Variants in RHCG observed in about 807,000 individuals in gnomAD.
The protein encoded by RHCG is ammonium transporter Rh type C.
RHCG carries 39 observed loss-of-function variants against 55.3 expected under a neutral mutation model. The observed-to-expected ratio is 0.70, with a 90% confidence interval of 0.55 to 0.92. RHCG has a LOEUF of 0.92. Ranked by LOEUF, RHCG falls within the 40% of genes least tolerant of loss-of-function variation. The pLI, the probability that RHCG is intolerant of heterozygous loss-of-function variation, is 0.00. For synonymous variants in RHCG, 250 were observed against 246.8 expected, an observed-to-expected ratio of 1.01 and a Z score of -0.12; for missense variants, 635 against 627.9, an observed-to-expected ratio of 1.01 and a Z score of -0.12.
chr15:89,486,603 T>TGAGA (rs1273531719), intron 2 of RHCG, 196 bp downstream of exon 2: 26 of 398,348 alleles, frequency 6.5e-5, no homozygotes, highest in South Asian at 1.9e-4. Flanking sequence ...AGAGAGAGTG[T>TGAGA]GTGTGTGTGT....
intron 1 of RHCG, among the ~76,000 whole-genome samples, chr15:89,493,825 C>A (rs185709585): frequency 6.4e-4 from 98 of 152,294 alleles, no homozygotes; most frequent in Non-Finnish European, 6.2e-4. Flanking sequence ...CTTTGCAAGA[C>A]ACTTCTCCGC....
At chr15:89,476,723 C>G (rs780387567) in intron 9 of RHCG, 32 bp downstream of exon 9, 109 of 1,598,342 alleles carry the variant, frequency 6.8e-5, no homozygotes, top group Non-Finnish European at 9.1e-5. Context: ...CGCAGCTGCC[C>G]TCCTTCAGGG....
At chr15:89,490,130 C>T (rs181488659) in intron 1 of RHCG, among the ~76,000 whole-genome samples, 1 of 152,374 alleles carries the variant, frequency 6.6e-6, no homozygotes, top group East Asian at 1.9e-4. Flanking sequence ...TCCAGTCCGC[C>T]TCCCACCAGG....
chr15:89,489,497 G>T (rs548414143), intron 1 of RHCG, among the ~76,000 whole-genome samples: 2 of 152,108 alleles, frequency 1.3e-5, no homozygotes, highest in Non-Finnish European at 2.9e-5. Flanking sequence ...CAAGTAAACA[G>T]TCAAAAGGAA....
chr15:89,480,818 G>T (rs1342784461), intron 3 of RHCG, among the ~76,000 whole-genome samples: 2 of 152,244 alleles, frequency 1.3e-5, no homozygotes, highest in Admixed American at 1.3e-4. Context: ...CAGGGCTGTT[G>T]TCAGGATTCA....
intron 1 of RHCG, among the ~76,000 whole-genome samples, chr15:89,487,918 G>A (rs1961404351): frequency 6.6e-6 from 1 of 152,198 alleles, no homozygotes; most frequent in Admixed American, 6.5e-5. Flanking sequence ...TCCCTTCTCA[G>A]AGCCTCAGTT....
At chr15:89,484,362 G>T (rs1961321933) in intron 2 of RHCG, among the ~76,000 whole-genome samples, 1 of 152,170 alleles carries the variant, frequency 6.6e-6, no homozygotes, top group South Asian at 2.1e-4. Context: ...AGCCATACAA[G>T]ACAGGCACTG....
At chr15:89,490,516 G>A (rs1170829888) in intron 1 of RHCG, among the ~76,000 whole-genome samples, 1 of 152,212 alleles carries the variant, frequency 6.6e-6, no homozygotes, top group Non-Finnish European at 1.5e-5. Context: ...ATTTCTAACT[G>A]TTGTGGAAGA....
In RHCG at chr15:89,476,780, C is replaced by T; in HGVS notation, c.1286G>A (p.Cys429Tyr). ...CTCCCAGTAGACCGCATCCTCAAAG[C>T]AGTTCTCATCTGAAGGTTGTCCCCA... ...PFWGQPSDENCFEDAVYWEMP... is the reference protein window; with the variant it reads ...PFWGQPSDENYFEDAVYWEMP... Residue 429 changes from cysteine to tyrosine, a missense_variant, in exon 9 of 11, where the codon TGC (cysteine) becomes TAC (tyrosine). Physicochemically the swap from Cys to Tyr is radical, Grantham distance 194. Transcript: ENST00000268122. The T allele has an allele frequency of 6.2e-7, 1 of 1,614,160 alleles. No individual in the cohort carries two copies.
chr15:89,484,831 G>A (rs1260322616), intron 2 of RHCG, among the ~76,000 whole-genome samples: 1 of 151,808 alleles, frequency 6.6e-6, no homozygotes. Context: ...CCCATCCCTT[G>A]GGCTATCAGC....
At position 89,477,435 on chromosome 15, in the gene RHCG, C is replaced by A; in HGVS notation, c.1112+82G>T. 1 of 1,556,532 alleles carries A rather than the reference C, an allele frequency of 6.4e-7. No individual in the cohort carries two copies. The highest frequency in any genetic ancestry group is 8.7e-7 in the Non-Finnish European group (1 of 1,145,814). On this transcript the variant is annotated intron_variant, in intron 7 of 10. Coordinates refer to ENST00000268122, the MANE Select transcript of RHCG (RefSeq NM_016321.3). This position sits in a 1 kb window ranked among gnomAD's most constrained non-coding sequence, Gnocchi z 4.5. ...GGAAGGAAAGGGAGAAAGATGCAGTCGGGTCCCAGAGGAATAGCAGGAAGA... is the reference window on the plus strand; with the variant it reads ...GGAAGGAAAGGGAGAAAGATGCAGTAGGGTCCCAGAGGAATAGCAGGAAGA...
intron 1 of RHCG, among the ~76,000 whole-genome samples, chr15:89,490,252 C>T (rs1301645285): frequency 6.6e-6 from 1 of 152,244 alleles, no homozygotes; most frequent in East Asian, 1.9e-4. Context: ...TTCCAGGCTT[C>T]CCTGAGGCCC....
chr15:89,481,833 C>T (rs2141893838), intron 3 of RHCG, among the ~76,000 whole-genome samples: 1 of 152,032 alleles, frequency 6.6e-6, no homozygotes, highest in Non-Finnish European at 1.5e-5. Flanking sequence ...TGGAGTTTTG[C>T]TCTTGTTGCC....
intron 2 of RHCG, among the ~76,000 whole-genome samples, chr15:89,483,439 C>T (rs1352484853): frequency 6.6e-6 from 1 of 152,110 alleles, no homozygotes; most frequent in African/African-American, 2.4e-5. Flanking sequence ...AGATGCCCAC[C>T]TCCCATGCAG....
chr15:89,487,706 C>A (rs566633217), intron 1 of RHCG, among the ~76,000 whole-genome samples: 1 of 152,334 alleles, frequency 6.6e-6, no homozygotes, highest in African/African-American at 2.4e-5. Context: ...GGCTTGGCAC[C>A]TGCTTCTGCA....
At position 89,472,750 on chromosome 15, in the gene RHCG, T is replaced by C; in HGVS notation, c.1425A>G (p.Val475=). 1 of 1,602,526 alleles carries C rather than the reference T, an allele frequency of 6.2e-7. No individual in the cohort carries two copies. Among genetic ancestry groups the C allele is most frequent in the Non-Finnish European group, 8.5e-7 (1 of 1,174,726 alleles). ...CCCTGGGAGCCTAGGGTACCAAGGG[T>C]ACCGAGGAAGCCATGGGTAGTGGGG... ...MVSPLPMASS[V]PLVP is the part of the protein sequence containing the mutation. The change falls in exon 10 of 11, where the codon GTA becomes GTG. Residue 475 remains valine (V), a synonymous_variant. Coordinates refer to ENST00000268122, the MANE Select transcript of RHCG (RefSeq NM_016321.3).
In RHCG at chr15:89,479,403, G is replaced by GCTCC; in HGVS notation, c.755_756insGGAG (p.Asn252LysfsTer48). The stretch of plus-strand genomic sequence containing the variant: ...CGCAGGCTGCCAAGGAGCAGTAGGT[G>GCTCC]TTGATGGCGGCTCGGTGCTGGCTGT... On this transcript the variant is annotated frameshift_variant, in exon 5 of 11. Coordinates refer to ENST00000268122, the MANE Select transcript of RHCG (RefSeq NM_016321.3). LOFTEE classifies it high-confidence loss of function. 1.9e-6 allele frequency: 3 copies of GCTCC among 1,614,244 alleles called. No individual in the cohort carries two copies. Among genetic ancestry groups the GCTCC allele is most frequent in the Non-Finnish European group, 2.5e-6 (3 of 1,180,048 alleles).
In RHCG at chr15:89,480,352, G is replaced by C; in HGVS notation, c.579C>G (p.Leu193=). 1 of 1,614,214 alleles carries C rather than the reference G, an allele frequency of 6.2e-7. No individual in the cohort carries two copies. The highest frequency in any genetic ancestry group is 8.5e-7 in the Non-Finnish European group (1 of 1,180,038). Residue 193 remains leucine (L), a synonymous_variant, in exon 4 of 11, where the codon CTC becomes CTG. Coordinates refer to ENST00000268122, the MANE Select transcript of RHCG (RefSeq NM_016321.3). The part of the protein sequence containing the change: ...TIHTFGAYFG[L]TVTRILYRRN... ...GTCGGTAGAGGATCCGGGTCACTGT[G>C]AGCCCAAAGTAGGCGCCAAATGTGT...
At chr15:89,492,843 G>A (rs1961501618) in intron 1 of RHCG, among the ~76,000 whole-genome samples, 1 of 152,216 alleles carries the variant, frequency 6.6e-6, no homozygotes. Flanking sequence ...CATGGAAGGA[G>A]CACTTACTCC....
Sources: gnomAD v4.1 joint callset for allele counts (sites outside exome capture counted in the v4.1 genomes callset) on GRCh38, gnomAD v4.1.1 for gene constraint, Gnocchi (gnomAD v3.1) non-coding constraint, MANE v1.5 for transcripts, NCBI Gene and HGNC (gene_info 2026-07-23, HGNC 2026-07-21) for gene names.